LRP1B: variants seen among roughly 807,000 people sequenced by gnomAD.
LRP1B encodes low-density lipoprotein receptor-related protein 1B.
A neutral mutation model predicts 556.6 loss-of-function variants in LRP1B; 217 were observed. That is an observed-to-expected ratio of 0.39 (90% CI 0.35 to 0.44). LRP1B has a LOEUF of 0.44. Among genes scored for constraint, LRP1B ranks in the 20% least tolerant of loss-of-function variants. LRP1B has a pLI of 1.00. For missense variants in LRP1B, 5,053 were observed against 5,620.8 expected (o/e 0.90, Z 3.23); for synonymous variants, 2,047 against 1,865.8 (o/e 1.10, Z -2.50).
At chr2:140,597,821 G>A (rs754211640) in intron 43 of LRP1B, among the ~76,000 whole-genome samples, 23 of 152,270 alleles carry the variant, frequency 1.5e-4, no homozygotes, top group Non-Finnish European at 2.8e-4. Context: ...CATGGTCCAT[G>A]AGGCTTCAAA....
intron 2 of LRP1B, among the ~76,000 whole-genome samples, chr2:141,575,817 G>A (rs1183313702): frequency 1.3e-5 from 2 of 149,364 alleles, no homozygotes; most frequent in Non-Finnish European, 3.0e-5. Context: ...CTCAAAAGAA[G>A]ATATTTATGT....
chr2:141,093,649 G>A (rs1213198647), intron 7 of LRP1B, among the ~76,000 whole-genome samples: 1 of 151,672 alleles, frequency 6.6e-6, no homozygotes, highest in Admixed American at 6.6e-5. Context: ...GAACAGAATA[G>A]AATAAAGAAA....
intron 1 of LRP1B, among the ~76,000 whole-genome samples, chr2:142,021,389 T>C (rs1703326362): frequency 6.6e-6 from 1 of 152,144 alleles, no homozygotes; most frequent in South Asian, 2.1e-4. Flanking sequence ...TGTAAGTCAT[T>C]ATGTTAAAAT....
Position 140,450,679 on chromosome 2 carries a change from G to GA in LRP1B, c.9964-19dup, listed in dbSNP as rs545474026. 857 of 1,542,320 alleles carry GA rather than the reference G, an allele frequency of 5.6e-4. 1 individual carries two copies. The highest frequency in any genetic ancestry group is 2.2e-3 in the Middle Eastern group (13 of 5,802). The stretch of plus-strand genomic sequence containing the variant: ...CAACGAAACTTAAAAAAGAAAAAAA[G>GA]AAAAAAAAATGTTGAAGAACCCAGT... On this transcript the variant is annotated intron_variant, in intron 62 of 90. Transcript: ENST00000389484.
At position 141,268,900 on chromosome 2, in the gene LRP1B, A is replaced by ACT. The variant is rs555993000; in HGVS notation, c.344-14261_344-14260dup. Among the ~76,000 whole-genome samples, 43 of 152,242 alleles carry ACT rather than the reference A, an allele frequency of 2.8e-4. 1 individual carries two copies. In the South Asian group the frequency reaches 4.4e-3, roughly 15 times the overall value. Reference sequence around the variant, plus strand: ...ATCAAGAATGTACTGGGGTCCAGTTACTCTCATCCAGATCCTTCATAGGGC... The same window carrying ACT: ...ATCAAGAATGTACTGGGGTCCAGTTACTCTCTCATCCAGATCCTTCATAGGGC... On this transcript the variant is annotated intron_variant, in intron 3 of 90. Transcript: ENST00000389484.
At chr2:141,374,999 G>T (rs1689375002) in intron 3 of LRP1B, among the ~76,000 whole-genome samples, 1 of 152,008 alleles carries the variant, frequency 6.6e-6, no homozygotes, top group African/African-American at 2.4e-5. Context: ...GCAGTCATTT[G>T]TTCCTATTTT....
At chr2:141,583,906 A>AT (rs113916906) in intron 2 of LRP1B, among the ~76,000 whole-genome samples, 26,441 of 145,374 alleles carry the variant, frequency 0.18, 2,598 homozygotes, top group South Asian at 0.27. Context: ...TGCCCGGCTA[A>AT]TTTTTTTTTT....
chr2:141,465,058 G>A (rs561670206), intron 3 of LRP1B, among the ~76,000 whole-genome samples: 5 of 152,230 alleles, frequency 3.3e-5, no homozygotes, highest in African/African-American at 1.2e-4. Flanking sequence ...ATTTAACATG[G>A]CTTGACTTAT....
chr2:141,187,091 T>C (rs1037000696), intron 7 of LRP1B, among the ~76,000 whole-genome samples: 1 of 152,098 alleles, frequency 6.6e-6, no homozygotes, highest in African/African-American at 2.4e-5. Context: ...AAATTTCCAA[T>C]TCTTTCTTAC....
At chr2:141,339,647 A>G (rs560329529) in intron 3 of LRP1B, among the ~76,000 whole-genome samples, 11 of 152,236 alleles carry the variant, frequency 7.2e-5, no homozygotes, top group Non-Finnish European at 1.5e-4. Context: ...TTCTCTAACC[A>G]CTGGCGAAAC....
intron 20 of LRP1B, among the ~76,000 whole-genome samples, chr2:140,936,502 A>G (rs1364226032): frequency 1.3e-5 from 2 of 152,104 alleles, no homozygotes; most frequent in Non-Finnish European, 2.9e-5. Context: ...AAGCTTAGGG[A>G]GTTCCTTACC....
chr2:140,268,684 C>G (rs1011125895), intron 86 of LRP1B, among the ~76,000 whole-genome samples: 1 of 151,908 alleles, frequency 6.6e-6, no homozygotes, highest in Non-Finnish European at 1.5e-5. Flanking sequence ...GGAAATTTCT[C>G]AGAGGAGATA....
chr2:141,157,022 A>G (rs1330994578), intron 7 of LRP1B, among the ~76,000 whole-genome samples: 29 of 152,152 alleles, frequency 1.9e-4, no homozygotes, highest in Admixed American at 1.9e-3. Context: ...CTGCAAATGG[A>G]AAGATAGTTA....
intron 2 of LRP1B, among the ~76,000 whole-genome samples, chr2:141,544,342 TCTTCTTC>T (rs1685439147): frequency 1.1e-5 from 1 of 87,446 alleles, no homozygotes; most frequent in South Asian, 5.8e-4. Context: ...TTCTTCTTCT[TCTTCTTC>T]TTCTTCTTCT....
At chr2:141,068,499 A>G (rs940219095) in intron 7 of LRP1B, among the ~76,000 whole-genome samples, 1 of 148,016 alleles carries the variant, frequency 6.8e-6, no homozygotes, top group Non-Finnish European at 1.5e-5. Context: ...TATTATGCAA[A>G]TTGGGTCTTT....
At chr2:141,555,147 CA>C (rs1372458526) in intron 2 of LRP1B, among the ~76,000 whole-genome samples, 1 of 151,908 alleles carries the variant, frequency 6.6e-6, no homozygotes, top group Non-Finnish European at 1.5e-5. Flanking sequence ...TACAGATGCA[CA>C]CATTTTCTCT....
intron 67 of LRP1B, 53 bp from the exon 68 acceptor site, chr2:140,378,339 AAAATT>A: frequency 1.1e-6 from 1 of 945,132 alleles, no homozygotes; most frequent in East Asian, 2.4e-5. Context: ...AGTGCATTGT[AAAATT>A]TATATGACAT....
intron 27 of LRP1B, among the ~76,000 whole-genome samples, chr2:140,858,789 G>C (rs1375718850): frequency 6.6e-6 from 1 of 151,964 alleles, no homozygotes; most frequent in African/African-American, 2.4e-5. Flanking sequence ...ATGTGTCCAT[G>C]TGTTCTCAAT....
At chr2:141,272,738 T>G (rs549319916) in intron 3 of LRP1B, among the ~76,000 whole-genome samples, 1 of 151,786 alleles carries the variant, frequency 6.6e-6, no homozygotes, top group Non-Finnish European at 1.5e-5. Flanking sequence ...TTTACAACAA[T>G]GAAAGGGTGA....
Sources: allele counts gnomAD v4.1 joint callset (sites outside exome capture counted in the v4.1 genomes callset), GRCh38; gene constraint gnomAD v4.1.1; transcripts MANE v1.5; gene names NCBI Gene and HGNC (gene_info 2026-07-23, HGNC 2026-07-21).